UNC13C: variants seen among roughly 807,000 people sequenced by gnomAD.
UNC13C encodes the protein unc-13 homolog C, also known as protein unc-13 homolog C.
A neutral mutation model predicts 245.4 loss-of-function variants in UNC13C; 174 were observed. That is an observed-to-expected ratio of 0.71 (90% confidence interval 0.63 to 0.80). The LOEUF (loss-of-function observed/expected upper bound fraction) is 0.80. Among genes scored for constraint, UNC13C ranks in the 30% least tolerant of loss-of-function variants. The probability of loss-of-function intolerance (pLI) is 0.00; values close to 1 mark genes in which losing one functional copy is unlikely to be tolerated. For synonymous variants in UNC13C, 992 were observed against 895.1 expected (o/e 1.11, Z -1.93); for missense variants, 2,829 against 2,602.9 (o/e 1.09, Z -1.89).
Position 54,013,441 on chromosome 15 carries a change from G to C in UNC13C, c.538G>C (p.Ala180Pro). ...ERTLHGLKLG[A>P]LRKLRKWKKS... ...TACTCTACATGGCTTAAAACTGGGA[G>C]CTTTACGAAAACTGAGAAAATGGAA... Residue 180 changes from alanine (A) to proline (P), a missense_variant, in exon 2 of 33, where the codon GCT (alanine) becomes CCT (proline). Coordinates refer to ENST00000260323, the MANE Select transcript of UNC13C (RefSeq NM_001080534.3). The C allele has an allele frequency of 6.2e-7, 1 of 1,613,862 alleles. No individual in the cohort carries two copies. The highest frequency in any genetic ancestry group is 8.5e-7 in the Non-Finnish European group (1 of 1,179,874).
intron 4 of UNC13C, among the ~76,000 whole-genome samples, chr15:54,207,130 G>GTGATGATGA (rs11458939): frequency 4.0e-5 from 6 of 150,608 alleles, no homozygotes; most frequent in South Asian, 2.1e-4. Flanking sequence ...GATGATGATG[G>GTGATGATGA]TGATGATGAT....
intron 19 of UNC13C, among the ~76,000 whole-genome samples, chr15:54,435,581 G>T (rs1015142983): frequency 4.7e-5 from 7 of 150,158 alleles, no homozygotes; most frequent in Admixed American, 4.0e-4. Flanking sequence ...CTCTCGGTGG[G>T]TGGGGGTGGG....
At chr15:53,883,193 A>G in the UNC13C span, among the ~76,000 whole-genome samples, 1 of 152,194 alleles carries the variant, frequency 6.6e-6, no homozygotes, top group Non-Finnish European at 1.5e-5. Context: ...GATGAAATTT[A>G]TTATCTTACT....
At chr15:54,572,917 C>T (rs1203784521) in intron 30 of UNC13C, among the ~76,000 whole-genome samples, 2 of 152,068 alleles carry the variant, frequency 1.3e-5, no homozygotes, top group East Asian at 1.9e-4. Flanking sequence ...TCCCCTTACT[C>T]CATTTTCTTC....
At chr15:54,532,121 C>A (rs1393274846) in intron 25 of UNC13C, among the ~76,000 whole-genome samples, 2 of 152,084 alleles carry the variant, frequency 1.3e-5, no homozygotes, top group Non-Finnish European at 2.9e-5. Context: ...ATACATCATC[C>A]AGGTATTAAG....
chr15:54,415,505 C>T (rs1050099964), intron 19 of UNC13C, among the ~76,000 whole-genome samples: 2 of 152,174 alleles, frequency 1.3e-5, no homozygotes, highest in Admixed American at 6.5e-5. Flanking sequence ...CGAAACTCCA[C>T]TCTGAATAAG....
At chr15:53,922,407 T>C in the UNC13C span, among the ~76,000 whole-genome samples, 9 of 152,188 alleles carry the variant, frequency 5.9e-5, 1 homozygote, top group Non-Finnish European at 8.8e-5. Flanking sequence ...CCAGGTATTA[T>C]TGACTTAATT....
intron 10 of UNC13C, among the ~76,000 whole-genome samples, chr15:54,289,242 A>G (rs559498276): frequency 1.1e-4 from 16 of 152,044 alleles, no homozygotes; most frequent in Non-Finnish European, 1.8e-4. Context: ...TTCAGTTTGA[A>G]TGTATCTCTG....
chr15:54,089,617 C>G (rs975616095), intron 2 of UNC13C, among the ~76,000 whole-genome samples: 1 of 150,320 alleles, frequency 6.7e-6, no homozygotes, highest in African/African-American at 2.4e-5. Flanking sequence ...CCTAAATTTT[C>G]AATTAATCCA....
At chr15:54,028,798 C>A (rs1896233405) in intron 2 of UNC13C, among the ~76,000 whole-genome samples, 1 of 147,570 alleles carries the variant, frequency 6.8e-6, no homozygotes, top group African/African-American at 2.5e-5. Context: ...TCACACTCTT[C>A]TCCTGCCTCA....
chr15:54,003,646 C>A (rs1895001133), intron 1 of UNC13C, among the ~76,000 whole-genome samples: 1 of 152,210 alleles, frequency 6.6e-6, no homozygotes, highest in South Asian at 2.1e-4. Context: ...TCCATCCCCT[C>A]AAGTATTTAT....
At chr15:54,041,577 C>T (rs1165003377) in intron 2 of UNC13C, among the ~76,000 whole-genome samples, 1 of 152,146 alleles carries the variant, frequency 6.6e-6, no homozygotes, top group East Asian at 1.9e-4. Context: ...AGCTACATAG[C>T]ATAGTAGTTA....
rs376858037 is a variant in UNC13C at position 54,338,471 on chromosome 15, C to T, written c.4695C>T (p.Tyr1565=). 97 of 1,613,128 alleles carry T rather than the reference C, an allele frequency of 6.0e-5. No homozygotes were observed. In the Middle Eastern group the frequency reaches 2.1e-3, roughly 36 times the overall value. ...TTTTTGACAACTGCCATGAACTCTA[C>T]TCCCAGCTAACAGACCCGGTAAGAA... The part of the protein sequence containing the change: ...KYIFDNCHEL[Y]SQLTDPSKKQ... The change falls in exon 17 of 33, where the codon TAC becomes TAT. Residue 1565 remains tyrosine (Y), a synonymous_variant. Transcript: ENST00000260323.
chr15:54,083,097 A>G (rs148396181), intron 2 of UNC13C, among the ~76,000 whole-genome samples: 1 of 152,126 alleles, frequency 6.6e-6, no homozygotes, highest in Admixed American at 6.5e-5. Context: ...CTCAGGGGGA[A>G]GTGCCCACCC....
chr15:54,174,880 C>A (rs1276603064), intron 4 of UNC13C, among the ~76,000 whole-genome samples: 1 of 152,100 alleles, frequency 6.6e-6, no homozygotes, highest in African/African-American at 2.4e-5. Context: ...ATTAAGATGC[C>A]AGTTATCCAA....
At chr15:53,949,417 T>A in the UNC13C span, among the ~76,000 whole-genome samples, 2 of 152,202 alleles carry the variant, frequency 1.3e-5, no homozygotes, top group Non-Finnish European at 2.9e-5. Flanking sequence ...TTCTATGATG[T>A]CTGTTATTTT....
chr15:53,962,658 G>A, the UNC13C span, among the ~76,000 whole-genome samples: 3 of 152,182 alleles, frequency 2.0e-5, no homozygotes, highest in Non-Finnish European at 4.4e-5. Flanking sequence ...TTCCATTTAA[G>A]CATTGCCATG....
intron 18 of UNC13C, among the ~76,000 whole-genome samples, chr15:54,403,424 A>C (rs935495301): frequency 1.3e-5 from 2 of 151,976 alleles, no homozygotes; most frequent in South Asian, 4.1e-4. Context: ...ATAAATAAAA[A>C]CTTTTAAAAA....
intron 4 of UNC13C, among the ~76,000 whole-genome samples, chr15:54,170,803 C>A (rs1474117891): frequency 2.6e-5 from 4 of 152,136 alleles, no homozygotes; most frequent in Non-Finnish European, 4.4e-5. Context: ...AATCCTCATT[C>A]TTTCGCAGAT....
Sources: allele counts gnomAD v4.1 joint callset (sites outside exome capture counted in the v4.1 genomes callset), GRCh38; gene constraint gnomAD v4.1.1; transcripts MANE v1.5; gene names NCBI Gene and HGNC (gene_info 2026-07-23, HGNC 2026-07-21).